Variants in APP observed in about 807,000 individuals in gnomAD.
APP encodes amyloid-beta precursor protein.
A neutral mutation model predicts 101.4 loss-of-function variants in APP; 31 were observed. The observed-to-expected ratio is 0.31, with a 90% CI of 0.23 to 0.41. APP has a LOEUF of 0.41. Ranked by LOEUF, APP falls within the 10% of genes least tolerant of loss-of-function variation. The pLI, the probability that APP is intolerant of heterozygous loss-of-function variation, is 1.00. For synonymous variants in APP, 366 were observed against 364.4 expected (o/e 1.00, Z -0.05); for missense variants, 839 against 1,003.7 (o/e 0.84, Z 2.22).
intron 1 of APP, among the ~76,000 whole-genome samples, chr21:26,136,829 C>T (rs914663223): frequency 6.6e-6 from 1 of 152,186 alleles, no homozygotes; most frequent in African/African-American, 2.4e-5. Context: ...TGCCTGTCTT[C>T]TGTTGCCAGA....
chr21:26,005,873 T>C (rs2043510022), intron 6 of APP, among the ~76,000 whole-genome samples: 2 of 152,200 alleles, frequency 1.3e-5, no homozygotes, highest in South Asian at 4.1e-4. Flanking sequence ...AGACCTTATA[T>C]AACTAAACCC....
At chr21:26,070,034 G>C (rs1201817780) in intron 3 of APP, among the ~76,000 whole-genome samples, 1 of 152,180 alleles carries the variant, frequency 6.6e-6, no homozygotes, top group African/African-American at 2.4e-5. Context: ...GAAAAAGAAG[G>C]ATTTGAATTC....
At chr21:25,997,752 C>T (rs1262614995) in intron 7 of APP, among the ~76,000 whole-genome samples, 1 of 152,170 alleles carries the variant, frequency 6.6e-6, no homozygotes, top group Non-Finnish European at 1.5e-5. Flanking sequence ...TTCACTCATT[C>T]ATAGGACAGC....
chr21:26,032,807 T>A (rs76934911), intron 5 of APP, among the ~76,000 whole-genome samples: 2,045 of 85,898 alleles, frequency 0.024, 40 homozygotes, highest in African/African-American at 0.063. Flanking sequence ...AAAAAAAAAA[T>A]ATATATATAT....
chr21:25,970,160 T>C (rs1198523650), intron 11 of APP, among the ~76,000 whole-genome samples: 2 of 152,158 alleles, frequency 1.3e-5, no homozygotes, highest in East Asian at 1.9e-4. Context: ...CAAATGAACA[T>C]GTTGCCTAAT....
intron 2 of APP, among the ~76,000 whole-genome samples, chr21:26,097,360 CAGTA>C (rs2061965597): frequency 6.6e-6 from 1 of 152,176 alleles, no homozygotes; most frequent in African/African-American, 2.4e-5. Context: ...TGGGATAGCA[CAGTA>C]AGTGTCTGAT....
chr21:25,961,998 TA>T (rs2041603332), intron 11 of APP, among the ~76,000 whole-genome samples: 1 of 152,178 alleles, frequency 6.6e-6, no homozygotes, highest in African/African-American at 2.4e-5. Flanking sequence ...GTATTAATAC[TA>T]CAGTCTGGTT....
At chr21:26,160,251 C>A (rs55962830) in intron 1 of APP, among the ~76,000 whole-genome samples, 14,364 of 152,230 alleles carry the variant, frequency 0.094, 902 homozygotes, top group Admixed American at 0.15. Context: ...AAAAGTGAAA[C>A]CCTCCACAAT....
At chr21:25,936,512 C>G (rs1402045200) in intron 13 of APP, among the ~76,000 whole-genome samples, 1 of 152,228 alleles carries the variant, frequency 6.6e-6, no homozygotes, top group African/African-American at 2.4e-5. Flanking sequence ...CATTGCACTC[C>G]AGCCTGGGCA....
chr21:25,900,235 T>C (rs918472032), intron 15 of APP, among the ~76,000 whole-genome samples: 4 of 152,074 alleles, frequency 2.6e-5, no homozygotes, highest in Admixed American at 6.5e-5. Context: ...TTTTCTGTTA[T>C]TAAGATCTGG....
intron 5 of APP, among the ~76,000 whole-genome samples, chr21:26,023,453 T>C (rs550001499): frequency 2.7e-5 from 4 of 150,166 alleles, no homozygotes; most frequent in Admixed American, 1.3e-4. Context: ...GGCGGGAGGA[T>C]TGCTTGAGCC....
At chr21:25,987,043 C>T (rs1259880724) in intron 8 of APP, among the ~76,000 whole-genome samples, 2 of 152,208 alleles carry the variant, frequency 1.3e-5, no homozygotes, top group Non-Finnish European at 2.9e-5. Context: ...CATGCTGGGG[C>T]ACTGTAAAGG....
At chr21:25,972,852 A>C (rs2042085000) in intron 11 of APP, among the ~76,000 whole-genome samples, 1 of 152,160 alleles carries the variant, frequency 6.6e-6, no homozygotes, top group Non-Finnish European at 1.5e-5. Context: ...ATAACTGTTT[A>C]AAGAAAAACA....
intron 3 of APP, among the ~76,000 whole-genome samples, chr21:26,081,671 T>TC: frequency 6.6e-6 from 1 of 152,196 alleles, no homozygotes; most frequent in East Asian, 1.9e-4. Context: ...CAGAATCTCT[T>TC]TATTGTCACA....
At chr21:25,993,661 G>A (rs2042952286) in intron 8 of APP, among the ~76,000 whole-genome samples, 1 of 152,138 alleles carries the variant, frequency 6.6e-6, no homozygotes, top group African/African-American at 2.4e-5. Context: ...ATTTCAACAT[G>A]CCCCCAAATT....
intron 11 of APP, among the ~76,000 whole-genome samples, chr21:25,967,438 G>T (rs1481857268): frequency 6.6e-6 from 1 of 152,164 alleles, no homozygotes; most frequent in Non-Finnish European, 1.5e-5. Flanking sequence ...TCTGATGAAA[G>T]ATTTAGACTA....
chr21:25,932,514 C>T (rs565312536), intron 13 of APP, among the ~76,000 whole-genome samples: 43 of 152,242 alleles, frequency 2.8e-4, no homozygotes, highest in East Asian at 1.7e-3. Context: ...AGGCCTCATA[C>T]GAGAGGATCT....
chr21:26,104,360 A>C (rs1195563059), intron 2 of APP, among the ~76,000 whole-genome samples: 1 of 152,214 alleles, frequency 6.6e-6, no homozygotes, highest in Non-Finnish European at 1.5e-5. Context: ...AATATTTTTT[A>C]AATGCATTGA....
chr21:26,000,279 C>T (rs1271739588), intron 6 of APP, 97 bp from the exon 7 acceptor site: 35 of 1,474,084 alleles, frequency 2.4e-5, no homozygotes, highest in East Asian at 6.9e-5. Context: ...CTCCCAGTGG[C>T]AACCTGGACT....
Sources: gnomAD v4.1 joint callset for allele counts (sites outside exome capture counted in the v4.1 genomes callset) on GRCh38, gnomAD v4.1.1 for gene constraint, MANE v1.5 for transcripts, NCBI Gene and HGNC (gene_info 2026-07-23, HGNC 2026-07-21) for gene names.